The following RADIL variants were observed in gnomAD, a reference collection of about 807,000 sequenced individuals.
The protein encoded by RADIL is Rap associating with DIL domain.
RADIL carries 99 observed loss-of-function variants against 97.6 expected under a neutral mutation model. The observed-to-expected ratio is 1.01, with a 90% confidence interval of 0.86 to 1.20. RADIL has a LOEUF of 1.20. Among genes scored for constraint, RADIL ranks in the 50% most tolerant of loss-of-function variants. The pLI is 0.00. For missense variants in RADIL, 1,765 were observed against 1,498.9 expected, an observed-to-expected ratio of 1.18 and a Z score of -2.93; for synonymous variants, 803 against 691.8, an observed-to-expected ratio of 1.16 and a Z score of -2.52.
chr7:4,824,753 T>C lies in RADIL; in HGVS notation c.1455-2199A>G, dbSNP rs1782928157. 1.3e-5 allele frequency among the ~76,000 whole-genome samples: 2 copies of C among 152,250 alleles called. No individual in the cohort carries two copies. The highest frequency in any genetic ancestry group is 1.3e-4 in the Admixed American group (2 of 15,290). ...CTTTTTGCCCATTCTGGACACTGGC[T>C]TGAAGGACACGCATGTCTGCAGATG... On this transcript the variant is annotated intron_variant, in intron 5 of 14. Transcript: ENST00000399583. The surrounding 1 kb of genome is among the most constrained non-coding windows in gnomAD (Gnocchi z 6.7).
intron 11 of RADIL, among the ~76,000 whole-genome samples, 195 bp downstream of exon 11, chr7:4,803,351 G>C (rs1167777695): frequency 1.9e-5 from 2 of 107,712 alleles, no homozygotes; most frequent in Non-Finnish European, 3.7e-5. Context: ...TCCCCTCCCC[G>C]GGCACCTCGG....
At chr7:4,877,516 T>A (rs896529573) in intron 2 of RADIL, 89 bp downstream of exon 2, 1 of 1,425,504 alleles carries the variant, frequency 7.0e-7, no homozygotes. Context: ...CCCACGCATG[T>A]CCCCTGCACC....
At chr7:4,808,209 C>CT (rs1744249727) in intron 9 of RADIL, among the ~76,000 whole-genome samples, 2 of 148,142 alleles carry the variant, frequency 1.4e-5, no homozygotes, top group South Asian at 4.4e-4. Flanking sequence ...CCTCCCTACC[C>CT]TGGCATCCCT....
intron 2 of RADIL, chr7:4,858,311 C>G (rs916295914): frequency 9.2e-5 from 14 of 152,100 alleles, no homozygotes; most frequent in Admixed American, 7.2e-4. Context: ...AATTGGAAAG[C>G]CTGTTAAGTT....
chr7:4,810,630 G>A (rs753057225), intron 9 of RADIL, among the ~76,000 whole-genome samples: 6 of 152,344 alleles, frequency 3.9e-5, no homozygotes, highest in Non-Finnish European at 7.3e-5. Context: ...GGGCCGTGGC[G>A]AGGGACCCAC....
intron 2 of RADIL, among the ~76,000 whole-genome samples, chr7:4,846,837 G>A (rs1446694396): frequency 6.6e-6 from 1 of 152,094 alleles, no homozygotes; most frequent in South Asian, 2.1e-4. Flanking sequence ...ATGAGCCACC[G>A]TGCCCAGCCA....
rs1783230059 is a variant in RADIL at position 4,834,284 on chromosome 7, A to G, written c.1416+323T>C. On this transcript the variant is annotated intron_variant, in intron 4 of 14. Coordinates refer to ENST00000399583, the MANE Select transcript of RADIL (RefSeq NM_018059.5). The surrounding 1 kb of genome is among the most constrained non-coding windows in gnomAD (Gnocchi z 6.0). ...TGGTGCCCAGGCTCAGGGGCAGCTC[A>G]CTCCTGGCACGTGACAGTGCTGGGC... Among the ~76,000 whole-genome samples the G allele has an allele frequency of 1.3e-5, 2 of 151,818 alleles. No homozygotes were observed. The highest frequency in any genetic ancestry group is 4.2e-4 in the South Asian group (2 of 4,792).
intron 1 of RADIL, among the ~76,000 whole-genome samples, chr7:4,881,313 G>A (rs1245639301): frequency 6.6e-6 from 1 of 151,216 alleles, no homozygotes; most frequent in Non-Finnish European, 1.5e-5. Context: ...TACTCGGGAG[G>A]CTGAGGCAGG....
rs1781992603 is a variant in RADIL, at chr7:4,799,170, T to C, written c.*208A>G. On this transcript the variant is annotated 3_prime_UTR_variant, in exon 15 of 15. Transcript: ENST00000399583. The stretch of plus-strand genomic sequence containing the variant: ...TTGAAGTCTTTAAACATAAAAGCTC[T>C]GTAACAAACATCACAATTTCACGTC... The C allele has an allele frequency of 1.7e-6, 1 of 583,714 alleles. No individual in the cohort carries two copies. Among genetic ancestry groups the C allele is most frequent in the African/African-American group, 1.9e-5 (1 of 53,582 alleles). 36.2% of individuals were successfully genotyped at this position (583,714 alleles called of 1,614,324 possible). A position where few individuals can be genotyped will look rare whatever the true frequency, so the allele number is the denominator to read the frequency against.
At chr7:4,877,497 C>T (rs954679967) in intron 2 of RADIL, 108 bp downstream of exon 2, 12 of 1,259,838 alleles carry the variant, frequency 9.5e-6, no homozygotes, top group East Asian at 2.4e-5. Context: ...TCCTGCAGAG[C>T]GAGCCCGCCC....
intron 2 of RADIL, among the ~76,000 whole-genome samples, chr7:4,848,059 G>A (rs981297467): frequency 6.6e-6 from 1 of 151,978 alleles, no homozygotes; most frequent in Non-Finnish European, 1.5e-5. Flanking sequence ...AGTCAGGCAT[G>A]GTGGCACACA....
intron 5 of RADIL, among the ~76,000 whole-genome samples, chr7:4,827,251 G>T (rs1471679973): frequency 1.3e-5 from 2 of 151,868 alleles, no homozygotes; most frequent in Non-Finnish European, 2.9e-5. Context: ...TGTAATCCCA[G>T]CTACTCAGGA....
chr7:4,868,763 T>C (rs1158344225), intron 2 of RADIL, among the ~76,000 whole-genome samples: 2 of 152,184 alleles, frequency 1.3e-5, no homozygotes, highest in Non-Finnish European at 2.9e-5. Context: ...CAAAGAAAAA[T>C]TTTGAATTTT....
At chr7:4,825,464 G>A (rs987102061) in intron 5 of RADIL, among the ~76,000 whole-genome samples, 1 of 152,118 alleles carries the variant, frequency 6.6e-6, no homozygotes, top group South Asian at 2.1e-4. Context: ...CCAAAAAATG[G>A]GTCAGCCACA....
chr7:4,816,105 G>A (rs1314824317), intron 8 of RADIL, 123 bp downstream of exon 8: 24 of 858,002 alleles, frequency 2.8e-5, no homozygotes, highest in Admixed American at 8.9e-5. Context: ...GACACCAGAC[G>A]CTCAGGGAGC....
At chr7:4,858,058 G>A (rs1185139655) in intron 2 of RADIL, 1 of 152,542 alleles carries the variant, frequency 6.6e-6, no homozygotes, top group African/African-American at 2.4e-5. Flanking sequence ...TCAAAATACA[G>A]ATATTGTGCA....
At chr7:4,833,705 A>G (rs951447602) in intron 4 of RADIL, among the ~76,000 whole-genome samples, 3 of 152,224 alleles carry the variant, frequency 2.0e-5, no homozygotes, top group Admixed American at 2.0e-4. Context: ...GGCCCAGACT[A>G]GCGAGGATCT....
chr7:4,800,104 G>T, intron 13 of RADIL, 67 bp downstream of exon 13: 1 of 1,545,458 alleles, frequency 6.5e-7, no homozygotes, highest in Non-Finnish European at 8.6e-7. Context: ...GCTGCGGCCA[G>T]GCTTGCATGA....
Position 4,836,591 on chromosome 7 carries a change from C to A in RADIL, c.550G>T (p.Ala184Ser). The A allele has an allele frequency of 1.2e-6, 2 of 1,607,330 alleles. No individual in the cohort carries two copies. The highest frequency in any genetic ancestry group is 1.7e-6 in the Non-Finnish European group (2 of 1,179,662). The change falls in exon 3 of 15, where the codon GCC becomes TCC. Residue 184 changes from alanine to serine, a missense_variant. Coordinates refer to ENST00000399583, the MANE Select transcript of RADIL (RefSeq NM_018059.5). The part of the protein sequence containing the change: ...DTITAGINAQ[A>S]RRLQRSRAKG... ...GCGCGACTCCGCTGCAGCCTCCGGG[C>A]CTGGGCGTTTATCCCTGGAACAGAA...
Sources: allele counts gnomAD v4.1 joint callset (sites outside exome capture counted in the v4.1 genomes callset), GRCh38; gene constraint gnomAD v4.1.1; non-coding constraint Gnocchi (gnomAD v3.1); transcripts MANE v1.5; gene names NCBI Gene and HGNC (gene_info 2026-07-23, HGNC 2026-07-21).